Variants in CAMK1D observed in about 807,000 individuals in gnomAD.
CAMK1D encodes calcium/calmodulin-dependent protein kinase type 1D.
In CAMK1D, 9 loss-of-function variants were observed where a neutral mutation model predicts 47.7. That is an observed-to-expected ratio of 0.19 (90% CI 0.11 to 0.33). CAMK1D has a LOEUF of 0.33. CAMK1D is among the 10% of genes least tolerant of loss of function. The pLI is 1.00. For synonymous variants in CAMK1D, 184 were observed against 184.9 expected, an observed-to-expected ratio of 0.99 and a Z score of 0.04; for missense variants, 291 against 488.7, an observed-to-expected ratio of 0.60 and a Z score of 3.81.
chr10:12,474,267 C>T (rs1442415880), intron 1 of CAMK1D, among the ~76,000 whole-genome samples: 2 of 145,964 alleles, frequency 1.4e-5, no homozygotes, highest in East Asian at 2.0e-4. Context: ...GGTGCAATCT[C>T]GGCTCACTGC....
intron 2 of CAMK1D, among the ~76,000 whole-genome samples, chr10:12,620,208 AAAAAAAAAAAT>A (rs1588697799): frequency 6.7e-6 from 1 of 149,968 alleles, no homozygotes; most frequent in East Asian, 1.9e-4. Flanking sequence ...AAAAAAAAAA[AAAAAAAAAAAT>A]AAAGCTGCTA....
chr10:12,827,638 C>CCTCTCCCCTCTCCCCTCTCCTCTCTCCT (rs796671235), intron 10 of CAMK1D, among the ~76,000 whole-genome samples: 12 of 10,742 alleles, frequency 1.1e-3, no homozygotes, highest in African/African-American at 2.1e-3. Context: ...TCCTCTCTCC[C>CCTCTCCCCTCTCCCCTCTCCTCTCTCCT]CTCTCCCCTC....
intron 3 of CAMK1D, among the ~76,000 whole-genome samples, chr10:12,672,192 A>G (rs1285682114): frequency 6.6e-6 from 1 of 151,570 alleles, no homozygotes; most frequent in African/African-American, 2.4e-5. Flanking sequence ...TGGGATTACA[A>G]GCGTGAGCCA....
Position 12,687,741 on chromosome 10 carries a change from C to A in CAMK1D, c.299+20931C>A, listed in dbSNP as rs78565701. 9.3e-3 allele frequency among the ~76,000 whole-genome samples: 1,420 copies of A among 152,234 alleles called. 25 individuals carry two copies. The highest frequency in any genetic ancestry group is 0.033 in the African/African-American group (1,356 of 41,556). On this transcript the variant is annotated intron_variant, in intron 3 of 10. Coordinates refer to ENST00000619168, the MANE Select transcript of CAMK1D (RefSeq NM_153498.4). The stretch of plus-strand genomic sequence containing the variant: ...AAGCCAGATCTCTCAATTCCGGAGA[C>A]AAATCAAAAAGAGGGGATGCTGAAG...
chr10:12,679,943 G>A (rs941925041), intron 3 of CAMK1D, among the ~76,000 whole-genome samples: 4 of 152,168 alleles, frequency 2.6e-5, no homozygotes, highest in African/African-American at 7.2e-5. Context: ...CAATCATTGC[G>A]AGTTACAGTG....
intron 2 of CAMK1D, among the ~76,000 whole-genome samples, chr10:12,557,979 G>A (rs1044922187): frequency 8.5e-5 from 13 of 152,208 alleles, no homozygotes; most frequent in African/African-American, 2.9e-4. Context: ...TACTTGATCA[G>A]TAGATATTAA....
chr10:12,590,148 CT>C (rs1837953713), intron 2 of CAMK1D, among the ~76,000 whole-genome samples: 1 of 152,176 alleles, frequency 6.6e-6, no homozygotes, highest in African/African-American at 2.4e-5. Flanking sequence ...TACTTTATTT[CT>C]TGCTGCGGAG....
At chr10:12,405,030 G>A (rs770014257) in intron 1 of CAMK1D, among the ~76,000 whole-genome samples, 1 of 152,108 alleles carries the variant, frequency 6.6e-6, no homozygotes, top group African/African-American at 2.4e-5. Context: ...TTAAATTTTT[G>A]TTGATAAAGG....
intron 1 of CAMK1D, among the ~76,000 whole-genome samples, chr10:12,403,583 G>A (rs969442766): frequency 6.6e-6 from 1 of 152,182 alleles, no homozygotes; most frequent in African/African-American, 2.4e-5. Flanking sequence ...CTGGGATGCA[G>A]AATTGGTTTT....
At chr10:12,715,357 C>T (rs141553544) in intron 3 of CAMK1D, among the ~76,000 whole-genome samples, 23 of 152,298 alleles carry the variant, frequency 1.5e-4, no homozygotes, top group African/African-American at 2.2e-4. Flanking sequence ...ATGACTACTG[C>T]GATATCTTCA....
intron 2 of CAMK1D, among the ~76,000 whole-genome samples, chr10:12,623,295 T>C (rs1395090584): frequency 1.2e-4 from 1 of 8,586 alleles, no homozygotes; most frequent in African/African-American, 2.4e-4. Context: ...CTCCCTCCTT[T>C]CTTTCCTTCC....
At chr10:12,600,112 G>A (rs1399369881) in intron 2 of CAMK1D, among the ~76,000 whole-genome samples, 2 of 152,074 alleles carry the variant, frequency 1.3e-5, no homozygotes, top group Non-Finnish European at 2.9e-5. Context: ...CTCAAATTAC[G>A]AAGAGAGAGG....
At chr10:12,590,999 G>A (rs1198738168) in intron 2 of CAMK1D, among the ~76,000 whole-genome samples, 1 of 152,218 alleles carries the variant, frequency 6.6e-6, no homozygotes, top group Non-Finnish European at 1.5e-5. Context: ...TTTCCTTGGA[G>A]AAGATAGCTA....
intron 3 of CAMK1D, among the ~76,000 whole-genome samples, chr10:12,689,802 C>T (rs903582514): frequency 9.9e-5 from 15 of 151,548 alleles, no homozygotes; most frequent in African/African-American, 3.6e-4. Flanking sequence ...ATGGTTTGAA[C>T]TGAGCCTGCT....
chr10:12,483,803 T>G (rs1414863468), intron 1 of CAMK1D, among the ~76,000 whole-genome samples: 1 of 151,982 alleles, frequency 6.6e-6, no homozygotes, highest in Non-Finnish European at 1.5e-5. Context: ...TCTCCTGCCT[T>G]TGCCTCCCTA....
At chr10:12,685,038 G>A (rs1274140450) in intron 3 of CAMK1D, among the ~76,000 whole-genome samples, 4 of 152,172 alleles carry the variant, frequency 2.6e-5, no homozygotes, top group Non-Finnish European at 5.9e-5. Flanking sequence ...GGCTGGGCGC[G>A]GTGGCTCACG....
chr10:12,699,646 C>G (rs997055848), intron 3 of CAMK1D, among the ~76,000 whole-genome samples: 1 of 149,230 alleles, frequency 6.7e-6, no homozygotes, highest in Non-Finnish European at 1.5e-5. Context: ...AGGGCTGTAA[C>G]TTGAAAAAAA....
chr10:12,682,482 A>G (rs1832482360), intron 3 of CAMK1D, among the ~76,000 whole-genome samples: 1 of 152,216 alleles, frequency 6.6e-6, no homozygotes, highest in South Asian at 2.1e-4. Context: ...AAATATTTTG[A>G]AGGCTGAACT....
At position 12,760,937 on chromosome 10, in the gene CAMK1D, T is replaced by C. The variant is rs756127670; in HGVS notation, c.300-11T>C. 1.2e-5 allele frequency: 19 copies of C among 1,610,352 alleles called. No individual in the cohort carries two copies. Among genetic ancestry groups the C allele is most frequent in the Non-Finnish European group, 1.6e-5 (19 of 1,176,920 alleles). ...ATCCTTTCAAACTTCTAATATGTTCTTTTTTGCCAGGGTGTCCGGTGGAGA... is the reference window on the plus strand; with the variant it reads ...ATCCTTTCAAACTTCTAATATGTTCCTTTTTGCCAGGGTGTCCGGTGGAGA... On this transcript the variant is annotated splice_polypyrimidine_tract_variant and intron_variant, in intron 3 of 10. Transcript: ENST00000619168.
Sources: allele counts gnomAD v4.1 joint callset (sites outside exome capture counted in the v4.1 genomes callset), GRCh38; gene constraint gnomAD v4.1.1; transcripts MANE v1.5; gene names NCBI Gene and HGNC (gene_info 2026-07-23, HGNC 2026-07-21).